The following MYRIP variants were observed in gnomAD, a reference collection of about 807,000 sequenced individuals.
MYRIP encodes rab effector MyRIP.
Under a neutral mutation model 98.0 loss-of-function variants are expected in MYRIP, and 49 were observed. The ratio of observed to expected loss-of-function variants is 0.50; its 90% CI spans 0.40 to 0.63. The LOEUF is 0.63. Among genes scored for constraint, MYRIP ranks in the 30% least tolerant of loss-of-function variants. The pLI is 0.00. For missense variants in MYRIP, 1,004 were observed against 1,058.2 expected, an observed-to-expected ratio of 0.95 and a Z score of 0.71; for synonymous variants, 404 against 409.5, an observed-to-expected ratio of 0.99 and a Z score of 0.16.
Position 39,816,990 on chromosome 3 carries a change from T to C in MYRIP, c.-31+7074T>C, listed in dbSNP as rs533601505. On this transcript the variant is annotated intron_variant, in intron 1 of 16. Transcript: ENST00000302541. ...TTGCCCACTTATATGTAGGTCCCCATTGTGATGTCTTAAGATAGCACTAAC... is the reference window on the plus strand; with the variant it reads ...TTGCCCACTTATATGTAGGTCCCCACTGTGATGTCTTAAGATAGCACTAAC... Among the ~76,000 whole-genome samples the C allele has an allele frequency of 1.4e-4, 22 of 152,340 alleles. No homozygotes were observed. In the East Asian group the frequency reaches 3.9e-3, roughly 27 times the overall value.
Position 39,991,536 on chromosome 3 carries a change from G to A in MYRIP, c.111-52514G>A, listed in dbSNP as rs560600175. ...TCTAATTATTTTACTACCTTCCTAC[G>A]ACTTTTCCCTTTGCTCATTTTGCTG... On this transcript the variant is annotated intron_variant, in intron 2 of 16. Coordinates refer to ENST00000302541, the MANE Select transcript of MYRIP (RefSeq NM_015460.4). 5.3e-5 allele frequency among the ~76,000 whole-genome samples: 8 copies of A among 152,138 alleles called. No individual in the cohort carries two copies. The East Asian group carries it at 1.2e-3, about 22-fold the overall frequency.
chr3:39,974,903 T>C (rs1344797466), intron 2 of MYRIP, among the ~76,000 whole-genome samples: 1 of 150,224 alleles, frequency 6.7e-6, no homozygotes, highest in East Asian at 2.0e-4. Context: ...CGTATCTCAA[T>C]AAGAGCTATC....
At chr3:39,826,687 T>C (rs1941276870) in intron 1 of MYRIP, among the ~76,000 whole-genome samples, 1 of 152,214 alleles carries the variant, frequency 6.6e-6, no homozygotes, top group South Asian at 2.1e-4. Context: ...CCAATGTTTC[T>C]TTGTTCATAT....
intron 10 of MYRIP, among the ~76,000 whole-genome samples, chr3:40,191,389 A>C (rs1575612348): frequency 6.6e-6 from 1 of 152,158 alleles, no homozygotes; most frequent in South Asian, 2.1e-4. Flanking sequence ...TCTGGTGAAG[A>C]CCTGCACATC....
chr3:39,996,610 A>T (rs1206968910), intron 2 of MYRIP, among the ~76,000 whole-genome samples: 1 of 152,224 alleles, frequency 6.6e-6, no homozygotes, highest in Non-Finnish European at 1.5e-5. Flanking sequence ...CACTGTCAAC[A>T]TTAGACAGAT....
At chr3:39,937,641 A>C (rs764088272) in intron 2 of MYRIP, among the ~76,000 whole-genome samples, 4 of 152,234 alleles carry the variant, frequency 2.6e-5, no homozygotes, top group Non-Finnish European at 5.9e-5. Flanking sequence ...GGACTCAAAG[A>C]AGAGCTACAA....
At chr3:40,000,056 T>C (rs1241687477) in intron 2 of MYRIP, among the ~76,000 whole-genome samples, 2 of 147,590 alleles carry the variant, frequency 1.4e-5, no homozygotes, top group South Asian at 2.3e-4. Context: ...GGGATAACAA[T>C]AGGAAATATA....
chr3:39,900,658 A>C, intron 1 of MYRIP, 129 bp from the exon 2 acceptor site: 1 of 493,654 alleles, frequency 2.0e-6, no homozygotes, highest in Non-Finnish European at 3.5e-6. Context: ...AGTCTGAGTC[A>C]AGAGAAAGAT....
intron 2 of MYRIP, among the ~76,000 whole-genome samples, chr3:40,033,553 G>A (rs1245924843): frequency 2.6e-5 from 4 of 152,128 alleles, no homozygotes; most frequent in African/African-American, 9.7e-5. Context: ...ACAAACCACT[G>A]CTCAATGAAA....
chr3:40,217,657 A>G (rs1178469779), intron 11 of MYRIP, among the ~76,000 whole-genome samples: 1 of 152,158 alleles, frequency 6.6e-6, no homozygotes, highest in East Asian at 1.9e-4. Context: ...ACCTTTTTAC[A>G]AGTTTGATGA....
chr3:40,145,417 A>C (rs772315439), intron 3 of MYRIP, among the ~76,000 whole-genome samples: 2 of 152,154 alleles, frequency 1.3e-5, no homozygotes, highest in Non-Finnish European at 2.9e-5. Context: ...CACCATGAGG[A>C]AGACAAACCT....
At chr3:40,218,059 T>G (rs958288116) in intron 11 of MYRIP, among the ~76,000 whole-genome samples, 21 of 152,122 alleles carry the variant, frequency 1.4e-4, no homozygotes, top group African/African-American at 5.1e-4. Context: ...AAGAAAAAAT[T>G]ATATTTGCAA....
At chr3:40,233,345 A>G (rs1352669876) in intron 11 of MYRIP, among the ~76,000 whole-genome samples, 1 of 152,210 alleles carries the variant, frequency 6.6e-6, no homozygotes, top group East Asian at 1.9e-4. Flanking sequence ...AATTCTTTCT[A>G]GTACTCTCAT....
chr3:40,181,856 T>G (rs538966651), intron 8 of MYRIP, among the ~76,000 whole-genome samples: 12 of 152,236 alleles, frequency 7.9e-5, no homozygotes, highest in African/African-American at 2.9e-4. Context: ...CTCTTCAGGT[T>G]TGGAGGTCTT....
chr3:40,251,874 C>A lies in MYRIP; in HGVS notation c.2429-7C>A. 6.3e-7 allele frequency: 1 copy of A among 1,583,538 alleles called. No homozygotes were observed. The highest frequency in any genetic ancestry group is 8.7e-7 in the Non-Finnish European group (1 of 1,152,342). ...GGTAACATTTTTTCCCATTTATTTC[C>A]TTTTAGCTGAAAAAATTGAGACATC... On this transcript the variant is annotated splice_region_variant and splice_polypyrimidine_tract_variant and intron_variant, in intron 15 of 16. Coordinates refer to ENST00000302541, the MANE Select transcript of MYRIP (RefSeq NM_015460.4).
At chr3:40,137,154 A>C (rs1050009492) in intron 3 of MYRIP, among the ~76,000 whole-genome samples, 4 of 152,254 alleles carry the variant, frequency 2.6e-5, no homozygotes, top group African/African-American at 9.6e-5. Flanking sequence ...AATAAAGAAG[A>C]AAAGAGAGAA....
chr3:40,258,038 G>C (rs1953654816), intron 16 of MYRIP, 96 bp from the exon 17 acceptor site: 1 of 1,356,144 alleles, frequency 7.4e-7, no homozygotes, highest in African/African-American at 1.4e-5. Flanking sequence ...AGCATGAATA[G>C]CTTTTGATAT....
At position 39,882,025 on chromosome 3, in the gene MYRIP, A is replaced by G. The variant is rs77074786; in HGVS notation, c.-30-18762A>G. ...ATGTTTTAATCCAATACATTTTACT[A>G]GAAGTATTTTTGTTAAAATTAATCC... On this transcript the variant is annotated intron_variant, in intron 1 of 16. Transcript: ENST00000302541. Among the ~76,000 whole-genome samples the G allele has an allele frequency of 1.1e-3, 160 of 152,248 alleles. 1 individual carries two copies. Among genetic ancestry groups the G allele is most frequent in the African/African-American group, 3.4e-3 (143 of 41,540 alleles).
At chr3:39,914,860 A>G (rs1273676023) in intron 2 of MYRIP, among the ~76,000 whole-genome samples, 1 of 152,108 alleles carries the variant, frequency 6.6e-6, no homozygotes, top group Non-Finnish European at 1.5e-5. Flanking sequence ...TATAATGACT[A>G]TCACATTTGC....
Sources: allele counts gnomAD v4.1 joint callset (sites outside exome capture counted in the v4.1 genomes callset), GRCh38; gene constraint gnomAD v4.1.1; transcripts MANE v1.5; gene names NCBI Gene and HGNC (gene_info 2026-07-23, HGNC 2026-07-21).